Variants in DOCK3 observed in about 807,000 individuals in gnomAD.
DOCK3 encodes the protein dedicator of cytokinesis 3.
In DOCK3, 60 loss-of-function variants were observed where a neutral mutation model predicts 265.6. That is an observed-to-expected ratio of 0.23 (90% CI 0.18 to 0.28). The LOEUF (loss-of-function observed/expected upper bound fraction) is 0.28. Ranked by LOEUF, DOCK3 falls within the 10% of genes least tolerant of loss-of-function variation. DOCK3 has a pLI of 1.00. For missense variants in DOCK3, 1,981 were observed against 2,594.3 expected (o/e 0.76, Z 5.14); for synonymous variants, 881 against 938.0 (o/e 0.94, Z 1.11).
At chr3:50,979,455 T>C (rs1444251760) in intron 5 of DOCK3, among the ~76,000 whole-genome samples, 1 of 152,040 alleles carries the variant, frequency 6.6e-6, no homozygotes, top group East Asian at 1.9e-4. Context: ...TATAAGAGAG[T>C]TCTTGCTCTG....
intron 1 of DOCK3, among the ~76,000 whole-genome samples, chr3:50,704,730 A>G (rs1174285014): frequency 1.3e-5 from 2 of 149,036 alleles, no homozygotes; most frequent in African/African-American, 5.0e-5. Flanking sequence ...GGTTCAGGCT[A>G]TTCTCCTGCT....
chr3:51,110,976 G>A (rs2083489076), intron 9 of DOCK3, among the ~76,000 whole-genome samples: 1 of 152,184 alleles, frequency 6.6e-6, no homozygotes, highest in African/African-American at 2.4e-5. Flanking sequence ...AACAACTTCA[G>A]CAAAGTTTCA....
At chr3:51,081,019 A>G (rs1339349773) in intron 7 of DOCK3, among the ~76,000 whole-genome samples, 1 of 151,926 alleles carries the variant, frequency 6.6e-6, no homozygotes, top group Non-Finnish European at 1.5e-5. Flanking sequence ...TATATTTCAT[A>G]TATATCATGG....
intron 27 of DOCK3, among the ~76,000 whole-genome samples, chr3:51,285,252 T>C (rs2081343420): frequency 6.6e-6 from 1 of 152,030 alleles, no homozygotes; most frequent in Admixed American, 6.6e-5. Context: ...GAAATAATTG[T>C]CTGATCTCAT....
intron 9 of DOCK3, among the ~76,000 whole-genome samples, chr3:51,119,643 G>A (rs1241898824): frequency 6.6e-6 from 1 of 151,742 alleles, no homozygotes; most frequent in African/African-American, 2.4e-5. Context: ...GTCCCATATT[G>A]GAGGCTTCGT....
At chr3:50,996,984 A>T (rs922398019) in intron 5 of DOCK3, among the ~76,000 whole-genome samples, 32 of 152,236 alleles carry the variant, frequency 2.1e-4, no homozygotes, top group African/African-American at 5.1e-4. Flanking sequence ...CTGGCTCTTC[A>T]TCCGAGAGGC....
intron 5 of DOCK3, among the ~76,000 whole-genome samples, chr3:50,941,866 A>G (rs1188355724): frequency 6.6e-6 from 1 of 152,086 alleles, no homozygotes; most frequent in Non-Finnish European, 1.5e-5. Flanking sequence ...TATAGCAATT[A>G]AGACAGATTT....
At chr3:51,213,566 C>A (rs541400704) in intron 13 of DOCK3, among the ~76,000 whole-genome samples, 4 of 152,322 alleles carry the variant, frequency 2.6e-5, no homozygotes, top group African/African-American at 9.6e-5. Context: ...GTTAGTCCCA[C>A]AAAAGCGCCC....
intron 1 of DOCK3, among the ~76,000 whole-genome samples, chr3:50,723,967 C>T (rs1278385453): frequency 6.6e-6 from 1 of 152,122 alleles, no homozygotes; most frequent in East Asian, 1.9e-4. Context: ...GAGCTAATAT[C>T]CAGAATCTAC....
At chr3:50,821,792 T>C (rs2044451689) in intron 2 of DOCK3, among the ~76,000 whole-genome samples, 1 of 152,190 alleles carries the variant, frequency 6.6e-6, no homozygotes, top group Non-Finnish European at 1.5e-5. Context: ...TTGTTGAAGG[T>C]CAGACAGTTG....
chr3:50,802,691 C>G (rs959038803), intron 2 of DOCK3, among the ~76,000 whole-genome samples: 7 of 152,042 alleles, frequency 4.6e-5, no homozygotes, highest in African/African-American at 1.7e-4. Flanking sequence ...TTCTCTCTTG[C>G]TGCTTTTAAA....
chr3:51,017,530 A>G (rs1464371751), intron 5 of DOCK3, among the ~76,000 whole-genome samples: 2 of 151,732 alleles, frequency 1.3e-5, no homozygotes, highest in Admixed American at 6.6e-5. Flanking sequence ...TGCTTTTGCT[A>G]TATCCAGTAG....
intron 3 of DOCK3, among the ~76,000 whole-genome samples, chr3:50,868,028 A>C (rs989740213): frequency 6.6e-6 from 1 of 151,312 alleles, no homozygotes; most frequent in Admixed American, 6.6e-5. Context: ...GTTAGGTAGA[A>C]TTCAGCAGTG....
chr3:50,751,700 A>C (rs1437095204), intron 1 of DOCK3, among the ~76,000 whole-genome samples: 2 of 152,146 alleles, frequency 1.3e-5, no homozygotes, highest in Admixed American at 6.5e-5. Flanking sequence ...CCATTCACAT[A>C]CTGCTATAAA....
chr3:51,035,132 AC>A (rs1363205315), intron 5 of DOCK3, among the ~76,000 whole-genome samples: 5 of 152,208 alleles, frequency 3.3e-5, no homozygotes, highest in Admixed American at 3.3e-4. Context: ...CTAAATTTAC[AC>A]CCTTCACCAA....
At chr3:50,806,724 AT>A (rs1441105979) in intron 2 of DOCK3, among the ~76,000 whole-genome samples, 2 of 151,944 alleles carry the variant, frequency 1.3e-5, no homozygotes, top group Non-Finnish European at 2.9e-5. Flanking sequence ...CATAATGAAG[AT>A]GGAGCCCCAT....
At chr3:51,351,806 G>A (rs937128564) in intron 40 of DOCK3, among the ~76,000 whole-genome samples, 5 of 152,086 alleles carry the variant, frequency 3.3e-5, no homozygotes, top group Admixed American at 1.3e-4. Context: ...ACAGGCATGC[G>A]CCACCATGCC....
At chr3:50,909,878 T>C (rs1302122845) in intron 4 of DOCK3, among the ~76,000 whole-genome samples, 1 of 152,040 alleles carries the variant, frequency 6.6e-6, no homozygotes, top group African/African-American at 2.4e-5. Flanking sequence ...GTTTGGTCTT[T>C]TTATGTAATC....
chr3:51,294,634 C>T (rs191519613), intron 27 of DOCK3, among the ~76,000 whole-genome samples: 8 of 144,808 alleles, frequency 5.5e-5, no homozygotes, highest in East Asian at 2.1e-4. Flanking sequence ...GCCAAGATCG[C>T]GCCACTGCAC....
Sources: allele counts gnomAD v4.1 joint callset (sites outside exome capture counted in the v4.1 genomes callset), GRCh38; gene constraint gnomAD v4.1.1; transcripts MANE v1.5; gene names NCBI Gene and HGNC (gene_info 2026-07-23, HGNC 2026-07-21).